ROBO1: variants seen among roughly 807,000 people sequenced by gnomAD.
ROBO1 encodes the protein roundabout homolog 1.
A neutral mutation model predicts 195.9 loss-of-function variants in ROBO1; 149 were observed. That is an observed-to-expected ratio of 0.76 (90% confidence interval 0.67 to 0.87). The LOEUF (loss-of-function observed/expected upper bound fraction) is 0.87. ROBO1 is among the 40% of genes least tolerant of loss of function. The pLI, the probability that ROBO1 is intolerant of heterozygous loss-of-function variation, is 0.00. For synonymous variants in ROBO1, 816 were observed against 733.2 expected (o/e 1.11, Z -1.82); for missense variants, 1,933 against 2,068.3 (o/e 0.93, Z 1.27).
intron 4 of ROBO1, among the ~76,000 whole-genome samples, chr3:78,829,697 A>G (rs542531849): frequency 6.6e-6 from 1 of 152,288 alleles, no homozygotes; most frequent in East Asian, 1.9e-4. Flanking sequence ...CCACTCCTGA[A>G]GAAAACCATA....
At chr3:78,618,698 T>C (rs73850729) in intron 26 of ROBO1, among the ~76,000 whole-genome samples, 1 of 152,200 alleles carries the variant, frequency 6.6e-6, no homozygotes, top group African/African-American at 2.4e-5. Flanking sequence ...TTTAACACTA[T>C]TGCATTTATT....
At position 78,627,339 on chromosome 3, in the gene ROBO1, T is replaced by C; in HGVS notation, c.3857A>G (p.Gln1286Arg). ...QDCPEETGHM[Q>R]HQPDRRRQPV... ...AACATACCTCCTGTCGGGCTGGTGC[T>C]GCATGTGGCCAGTCTCCTCTGGACA... is the stretch of plus-strand genomic sequence containing the variant. Residue 1286 changes from glutamine (Q) to arginine (R), a missense_variant, in exon 26 of 31, where the codon CAG becomes CGG. Around this residue, in one of 3 missense-constraint regions of ROBO1, gnomAD observed 1,737 missense variants for 1,882.5 expected, o/e 0.92. Coordinates refer to ENST00000464233, the MANE Select transcript of ROBO1 (RefSeq NM_002941.4). The C allele has an allele frequency of 6.2e-7, 1 of 1,612,616 alleles. No individual in the cohort carries two copies. Among genetic ancestry groups the C allele is most frequent in the Non-Finnish European group, 8.5e-7 (1 of 1,179,298 alleles).
chr3:79,038,240 G>A (rs1469634830), intron 3 of ROBO1, among the ~76,000 whole-genome samples: 1 of 152,154 alleles, frequency 6.6e-6, no homozygotes, highest in African/African-American at 2.4e-5. Context: ...TTTGGCACAT[G>A]CTCCAGGAAG....
chr3:78,925,258 C>T (rs1305271344), intron 4 of ROBO1, among the ~76,000 whole-genome samples: 2 of 152,084 alleles, frequency 1.3e-5, no homozygotes, highest in East Asian at 3.9e-4. Flanking sequence ...GATTCTGAAA[C>T]ATAATTTCAT....
At chr3:79,247,874 T>A (rs1044505500) in intron 2 of ROBO1, among the ~76,000 whole-genome samples, 1 of 152,004 alleles carries the variant, frequency 6.6e-6, no homozygotes, top group African/African-American at 2.4e-5. Context: ...ACAGAATAAA[T>A]AAGCATCCTG....
Position 79,372,351 on chromosome 3 carries a change from T to C in ROBO1, c.88+217473A>G, listed in dbSNP as rs573368104. On this transcript the variant is annotated intron_variant, in intron 2 of 30. Transcript: ENST00000464233. Reference sequence around the variant, plus strand: ...CCTCCCGAGTAGCTGGGATTACAGGTGGATGTGCCACCACACCCAGCTAAT... The same window carrying C: ...CCTCCCGAGTAGCTGGGATTACAGGCGGATGTGCCACCACACCCAGCTAAT... 2.4e-3 allele frequency among the ~76,000 whole-genome samples: 371 copies of C among 151,846 alleles called. 3 individuals carry two copies. The highest frequency in any genetic ancestry group is 7.6e-3 in the African/African-American group (317 of 41,444).
chr3:79,165,228 G>A (rs929767892), intron 2 of ROBO1, among the ~76,000 whole-genome samples: 3 of 152,188 alleles, frequency 2.0e-5, no homozygotes. Context: ...AACTTTATTA[G>A]AGTCAGCATG....
chr3:79,084,194 C>T (rs145664053), intron 3 of ROBO1, among the ~76,000 whole-genome samples: 2 of 152,050 alleles, frequency 1.3e-5, no homozygotes, highest in South Asian at 2.1e-4. Context: ...CTTAAGTTTT[C>T]TCATCTGTTT....
intron 2 of ROBO1, among the ~76,000 whole-genome samples, chr3:79,217,166 T>C (rs1454823718): frequency 6.6e-6 from 1 of 152,116 alleles, no homozygotes; most frequent in African/African-American, 2.4e-5. Context: ...CTGGTAATCC[T>C]AGTGGATGAA....
chr3:79,535,279 A>G (rs1941814159), intron 2 of ROBO1, among the ~76,000 whole-genome samples: 1 of 152,140 alleles, frequency 6.6e-6, no homozygotes, highest in African/African-American at 2.4e-5. Context: ...AAGTCCAAAA[A>G]GACACATTAT....
At chr3:79,535,388 T>TCAG (rs1941818541) in intron 2 of ROBO1, among the ~76,000 whole-genome samples, 1 of 152,180 alleles carries the variant, frequency 6.6e-6, no homozygotes, top group South Asian at 2.1e-4. Flanking sequence ...ACACCATTTT[T>TCAG]TAGCATGAGC....
At chr3:79,620,979 C>G (rs1257615711) in intron 1 of ROBO1, among the ~76,000 whole-genome samples, 1 of 152,082 alleles carries the variant, frequency 6.6e-6, no homozygotes, top group Non-Finnish European at 1.5e-5. Flanking sequence ...TCTTGCCTAT[C>G]CACCCCATGG....
intron 2 of ROBO1, among the ~76,000 whole-genome samples, chr3:79,355,820 A>T (rs1416383260): frequency 2.6e-5 from 4 of 152,152 alleles, no homozygotes; most frequent in Admixed American, 2.6e-4. Context: ...ATTAATGGAC[A>T]TTTAGGTTGA....
chr3:78,896,463 A>C (rs2037235634), intron 4 of ROBO1, among the ~76,000 whole-genome samples: 1 of 151,916 alleles, frequency 6.6e-6, no homozygotes, highest in South Asian at 2.1e-4. Flanking sequence ...ACCCTTAAGA[A>C]GATTATTTGT....
intron 2 of ROBO1, among the ~76,000 whole-genome samples, chr3:79,355,027 A>G (rs1424596542): frequency 6.6e-6 from 1 of 152,080 alleles, no homozygotes; most frequent in Non-Finnish European, 1.5e-5. Flanking sequence ...TTAGCTGGGC[A>G]TGGTGGCGGG....
intron 1 of ROBO1, among the ~76,000 whole-genome samples, chr3:79,750,881 C>T (rs183137855): frequency 4.6e-5 from 7 of 152,290 alleles, no homozygotes; most frequent in Admixed American, 3.3e-4. Context: ...GATGAGTCAA[C>T]TGTCACTTGC....
chr3:79,239,391 T>C (rs1413125381), intron 2 of ROBO1, among the ~76,000 whole-genome samples: 2 of 152,262 alleles, frequency 1.3e-5, no homozygotes, highest in Non-Finnish European at 2.9e-5. Context: ...CCCTGAACCC[T>C]GCTCTTGTAC....
chr3:79,580,442 A>G (rs1576062800), intron 2 of ROBO1, among the ~76,000 whole-genome samples: 1 of 152,204 alleles, frequency 6.6e-6, no homozygotes, highest in African/African-American at 2.4e-5. Flanking sequence ...AGATCACACC[A>G]TTGCACTCCA....
chr3:79,341,645 C>T (rs1268612586), intron 2 of ROBO1, among the ~76,000 whole-genome samples: 1 of 152,022 alleles, frequency 6.6e-6, no homozygotes, highest in Non-Finnish European at 1.5e-5. Flanking sequence ...TGCCTGGCTT[C>T]TACTGATTTT....
Sources: gnomAD v4.1 joint callset for allele counts (sites outside exome capture counted in the v4.1 genomes callset) on GRCh38, gnomAD v4.1.1 for gene constraint, gnomAD v4.1.1 regional missense constraint, MANE v1.5 for transcripts, NCBI Gene and HGNC (gene_info 2026-07-23, HGNC 2026-07-21) for gene names.